The following NKAIN2 variants were observed in gnomAD, a reference collection of about 807,000 sequenced individuals.
NKAIN2 encodes the protein sodium/potassium transporting ATPase interacting 2.
In NKAIN2, 14 loss-of-function variants were observed where a neutral mutation model predicts 32.6. The observed-to-expected ratio is 0.43, with a 90% CI of 0.28 to 0.67. NKAIN2 has a LOEUF of 0.67. NKAIN2 is among the 30% of genes least tolerant of loss of function. NKAIN2 has a pLI of 0.17. For synonymous variants in NKAIN2, 80 were observed against 87.2 expected, an observed-to-expected ratio of 0.92 and a Z score of 0.46; for missense variants, 198 against 258.3, an observed-to-expected ratio of 0.77 and a Z score of 1.60.
At chr6:123,958,100 G>A (rs1777681263) in intron 1 of NKAIN2, among the ~76,000 whole-genome samples, 1 of 152,116 alleles carries the variant, frequency 6.6e-6, no homozygotes, top group Admixed American at 6.5e-5. Flanking sequence ...CTCTGGCCCT[G>A]AAAAGGCAGA....
At chr6:124,273,517 GA>G (rs1794898619) in intron 1 of NKAIN2, among the ~76,000 whole-genome samples, 1 of 152,164 alleles carries the variant, frequency 6.6e-6, no homozygotes, top group African/African-American at 2.4e-5. Context: ...ATAGCAGTGT[GA>G]AAATGGACTA....
intron 3 of NKAIN2, among the ~76,000 whole-genome samples, chr6:124,398,604 G>T (rs993360540): frequency 2.0e-5 from 3 of 152,152 alleles, no homozygotes; most frequent in Non-Finnish European, 4.4e-5. Flanking sequence ...CATGTTAAGT[G>T]TATTATGATG....
chr6:124,486,129 A>C (rs962162130), intron 3 of NKAIN2, among the ~76,000 whole-genome samples: 2 of 152,222 alleles, frequency 1.3e-5, no homozygotes, highest in Non-Finnish European at 2.9e-5. Flanking sequence ...CTAATACGAG[A>C]GTATAGCTTC....
intron 1 of NKAIN2, among the ~76,000 whole-genome samples, chr6:123,896,274 C>A (rs74892510): frequency 0.014 from 2,172 of 152,206 alleles, 49 homozygotes; most frequent in East Asian, 0.11. Flanking sequence ...GACATAGGTA[C>A]AGTTACCTTC....
At chr6:124,146,693 A>G (rs1787426715) in intron 1 of NKAIN2, among the ~76,000 whole-genome samples, 1 of 152,240 alleles carries the variant, frequency 6.6e-6, no homozygotes, top group African/African-American at 2.4e-5. Context: ...GAATAAACAC[A>G]CTCATATCTA....
intron 1 of NKAIN2, among the ~76,000 whole-genome samples, chr6:123,937,850 T>G (rs1228618270): frequency 6.6e-6 from 1 of 152,088 alleles, no homozygotes; most frequent in Non-Finnish European, 1.5e-5. Context: ...ACAGCCTTCT[T>G]TGTAGCTGTA....
intron 5 of NKAIN2, among the ~76,000 whole-genome samples, chr6:124,802,307 A>G (rs1039378787): frequency 5.9e-5 from 9 of 152,220 alleles, no homozygotes; most frequent in African/African-American, 2.2e-4. Context: ...CTGAGAAGAC[A>G]TACCCAATCA....
intron 1 of NKAIN2, among the ~76,000 whole-genome samples, chr6:123,954,684 A>G (rs73773024): frequency 0.049 from 7,505 of 152,144 alleles, 570 homozygotes; most frequent in African/African-American, 0.16. Flanking sequence ...AACTTTATCT[A>G]CCTCCACCTA....
intron 1 of NKAIN2, among the ~76,000 whole-genome samples, chr6:123,921,180 C>A (rs1775734676): frequency 6.6e-6 from 1 of 152,178 alleles, no homozygotes. Flanking sequence ...CACAGCAACA[C>A]AGGAACTTTT....
intron 5 of NKAIN2, among the ~76,000 whole-genome samples, chr6:124,797,191 AATC>A (rs1459014253): frequency 0.013 from 1,883 of 143,804 alleles, 40 homozygotes; most frequent in African/African-American, 0.044. Flanking sequence ...AAAAAAAAAA[AATC>A]ATCATGACTT....
chr6:124,391,816 T>C (rs62436271), intron 3 of NKAIN2, among the ~76,000 whole-genome samples: 10,063 of 152,170 alleles, frequency 0.066, 558 homozygotes, highest in African/African-American at 0.15. Flanking sequence ...TATGAACTCT[T>C]CGACTTCCCT....
intron 1 of NKAIN2, among the ~76,000 whole-genome samples, chr6:124,151,290 A>G (rs562012134): frequency 3.8e-4 from 58 of 152,198 alleles, no homozygotes; most frequent in African/African-American, 9.4e-4. Flanking sequence ...TAAATTACAT[A>G]TAATGATGAA....
At chr6:124,544,938 C>A (rs552948854) in intron 3 of NKAIN2, among the ~76,000 whole-genome samples, 1 of 152,156 alleles carries the variant, frequency 6.6e-6, no homozygotes, top group South Asian at 2.1e-4. Flanking sequence ...ATGGGCAGAT[C>A]CTTCTAAATT....
chr6:124,188,011 G>A (rs1789828501), intron 1 of NKAIN2, among the ~76,000 whole-genome samples: 1 of 152,120 alleles, frequency 6.6e-6, no homozygotes, highest in African/African-American at 2.4e-5. Context: ...GATGGTCATT[G>A]CTTTCCTTAT....
At chr6:124,732,836 A>G (rs755838783) in intron 4 of NKAIN2, among the ~76,000 whole-genome samples, 20 of 152,144 alleles carry the variant, frequency 1.3e-4, no homozygotes, top group Admixed American at 3.3e-4. Flanking sequence ...AACCCAACTG[A>G]TTTGAAAGCT....
intron 4 of NKAIN2, among the ~76,000 whole-genome samples, chr6:124,727,323 C>T (rs979445475): frequency 6.6e-6 from 1 of 152,092 alleles, no homozygotes; most frequent in Non-Finnish European, 1.5e-5. Context: ...TCGGGTTACC[C>T]TCAAAGGGAA....
intron 4 of NKAIN2, among the ~76,000 whole-genome samples, chr6:124,735,016 G>T (rs1433077795): frequency 6.6e-6 from 1 of 151,858 alleles, no homozygotes; most frequent in Non-Finnish European, 1.5e-5. Context: ...CAACATTATA[G>T]TACAGATTTT....
intron 1 of NKAIN2, among the ~76,000 whole-genome samples, chr6:123,918,711 C>T (rs568424775): frequency 6.6e-6 from 1 of 152,128 alleles, no homozygotes; most frequent in Non-Finnish European, 1.5e-5. Context: ...GAAGGCCTTA[C>T]TAGAGAAAGA....
At chr6:124,118,769 G>A (rs1022098338) in intron 1 of NKAIN2, among the ~76,000 whole-genome samples, 8 of 152,104 alleles carry the variant, frequency 5.3e-5, no homozygotes, top group African/African-American at 7.2e-5. Context: ...AATATATAGA[G>A]GAGTAAATTG....
Sources: allele counts gnomAD v4.1 joint callset (sites outside exome capture counted in the v4.1 genomes callset), GRCh38; gene constraint gnomAD v4.1.1; transcripts MANE v1.5; gene names NCBI Gene and HGNC (gene_info 2026-07-23, HGNC 2026-07-21).